NFE2: variants seen among roughly 807,000 people sequenced by gnomAD.
The protein encoded by NFE2 is nuclear factor, erythroid 2, also known as transcription factor NF-E2 45 kDa subunit.
NFE2 carries 13 observed loss-of-function variants against 25.8 expected under a neutral mutation model. The observed-to-expected ratio is 0.50, with a 90% confidence interval of 0.33 to 0.80. The LOEUF is 0.80. Among genes scored for constraint, NFE2 ranks in the 30% least tolerant of loss-of-function variants. NFE2 has a pLI of 0.02. For missense variants in NFE2, 382 were observed against 478.9 expected (o/e 0.80, Z 1.89); for synonymous variants, 204 against 200.2 (o/e 1.02, Z -0.16).
At chr12:54,294,300 T>C (rs1269195209) in intron 2 of NFE2, among the ~76,000 whole-genome samples, 2 of 152,086 alleles carry the variant, frequency 1.3e-5, no homozygotes, top group Non-Finnish European at 2.9e-5. Flanking sequence ...CAAAGCCTTT[T>C]TATCCAAGAT....
At chr12:54,298,091 C>A (rs1176840465) in intron 1 of NFE2, among the ~76,000 whole-genome samples, 1 of 152,174 alleles carries the variant, frequency 6.6e-6, no homozygotes, top group South Asian at 2.1e-4. Flanking sequence ...TCTTGCTTCA[C>A]AGTTCTTTAC....
intron 1 of NFE2, among the ~76,000 whole-genome samples, chr12:54,299,094 G>A (rs899221580): frequency 6.6e-6 from 1 of 150,962 alleles, no homozygotes; most frequent in Non-Finnish European, 1.5e-5. Flanking sequence ...GCAGGAGTTT[G>A]GGGGAGAGAG....
chr12:54,297,009 C>T (rs564984822), intron 1 of NFE2, among the ~76,000 whole-genome samples: 20 of 152,162 alleles, frequency 1.3e-4, no homozygotes, highest in South Asian at 8.3e-4. Flanking sequence ...CTGATCTCTA[C>T]GGTCAGACAT....
chr12:54,300,349 T>C (rs1468259385), intron 1 of NFE2: 1 of 152,776 alleles, frequency 6.5e-6, no homozygotes, highest in African/African-American at 2.4e-5. Context: ...CCCCGCACCT[T>C]GCAACACTTC....
In NFE2 at chr12:54,292,978, A is replaced by G. The variant is rs1947890606; in HGVS notation, c.518T>C (p.Val173Ala). The G allele has an allele frequency of 1.9e-6, 3 of 1,551,848 alleles. No individual in the cohort carries two copies. The Admixed American group carries it at 5.8e-5, about 30-fold the overall frequency. ...TEAGRRRSEY[V>A]EMYPVEYPYS... ...GGGGTACTCCACTGGGTACATCTCT[A>G]CATATTCGCTGCGCCGCCGACCAGC... Residue 173 changes from valine to alanine, a missense_variant, in exon 3 of 3, where the codon GTA becomes GCA. Coordinates refer to ENST00000435572, the MANE Select transcript of NFE2 (RefSeq NM_001136023.3).
At position 54,292,235 on chromosome 12, in the gene NFE2, A is replaced by G; in HGVS notation, c.*139T>C. The G allele has an allele frequency of 1.1e-6, 1 of 877,456 alleles. No homozygotes were observed. Among genetic ancestry groups the G allele is most frequent in the South Asian group, 1.8e-5 (1 of 56,660 alleles). 54.4% of individuals were successfully genotyped at this position (877,456 alleles called of 1,614,324 possible). On this transcript the variant is annotated 3_prime_UTR_variant, in exon 3 of 3. Coordinates refer to ENST00000435572, the MANE Select transcript of NFE2 (RefSeq NM_001136023.3). The stretch of plus-strand genomic sequence containing the variant: ...CAAGCCTCTTTGAACACACCTTGGA[A>G]CTTCCAAACACTTGTTGCCATTGTC...
intron 2 of NFE2, among the ~76,000 whole-genome samples, chr12:54,294,154 T>C (rs1412696783): frequency 6.6e-6 from 1 of 151,036 alleles, no homozygotes; most frequent in Non-Finnish European, 1.5e-5. Context: ...TCCCAGCTAC[T>C]TGGGAGGCTG....
At chr12:54,294,534 G>T (rs995814155) in intron 2 of NFE2, among the ~76,000 whole-genome samples, 6 of 152,116 alleles carry the variant, frequency 3.9e-5, no homozygotes, top group Admixed American at 3.9e-4. Context: ...CTCCTCTTCA[G>T]TCCCTCTGTC....
intron 1 of NFE2, among the ~76,000 whole-genome samples, chr12:54,298,851 G>GT (rs1944397835): frequency 6.6e-6 from 1 of 151,982 alleles, no homozygotes; most frequent in Non-Finnish European, 1.5e-5. Flanking sequence ...AGGAATTTGA[G>GT]ACCAGCCTGG....
intron 1 of NFE2, among the ~76,000 whole-genome samples, chr12:54,299,592 A>C (rs1944404083): frequency 6.6e-6 from 1 of 152,206 alleles, no homozygotes; most frequent in Non-Finnish European, 1.5e-5. Flanking sequence ...CCTACCCAGA[A>C]AGATTTTTAT....
chr12:54,294,625 C>G (rs1008749537), intron 2 of NFE2, among the ~76,000 whole-genome samples: 7 of 152,158 alleles, frequency 4.6e-5, no homozygotes, highest in African/African-American at 1.7e-4. Context: ...CCTGCTCCAG[C>G]CCAGCTGGGG....
Position 54,293,151 on chromosome 12 carries a change from C to T in NFE2, c.345G>A (p.Leu115=). The T allele has an allele frequency of 6.5e-7, 1 of 1,538,446 alleles. No homozygotes were observed. The highest frequency in any genetic ancestry group is 8.8e-7 in the Non-Finnish European group (1 of 1,141,320). ...AGGGGTCTTGGAGCGGCTCACTGAG[C>T]AGGCCTGAGAGGCTCAGTGGCTTGG... is the stretch of plus-strand genomic sequence containing the variant. ...PVSKPLSLSG[L]LSEPLQDPLA... The change falls in exon 3 of 3, where the codon CTG becomes CTA. Residue 115 remains leucine, a synonymous_variant. Coordinates refer to ENST00000435572, the MANE Select transcript of NFE2 (RefSeq NM_001136023.3).
At chr12:54,297,181 C>T (rs1944379509) in intron 1 of NFE2, among the ~76,000 whole-genome samples, 1 of 151,824 alleles carries the variant, frequency 6.6e-6, no homozygotes, top group African/African-American at 2.4e-5. Flanking sequence ...ACGGTGAAAA[C>T]CCATCTCCAC....
chr12:54,293,140 G>A lies in NFE2; in HGVS notation c.356C>T (p.Pro119Leu), dbSNP rs1418279594. The A allele has an allele frequency of 3.9e-6, 6 of 1,531,688 alleles. No homozygotes were observed. The highest frequency in any genetic ancestry group is 4.4e-6 in the Non-Finnish European group (5 of 1,139,088). 94.9% of individuals were successfully genotyped at this position (1,531,688 alleles called of 1,614,324 possible). A position where few individuals can be genotyped will look rare whatever the true frequency, so the allele number is the denominator to read the frequency against. ...PLSLSGLLSE[P>L]LQDPLALLDI... ...CAGGAGGGCTAAGGGGTCTTGGAGC[G>A]GCTCACTGAGCAGGCCTGAGAGGCT... The change falls in exon 3 of 3, where the codon CCG becomes CTG. Residue 119 changes from proline to leucine, a missense_variant. Coordinates refer to ENST00000435572, the MANE Select transcript of NFE2 (RefSeq NM_001136023.3).
Position 54,292,288 on chromosome 12 carries a change from T to C in NFE2, c.*86A>G. On this transcript the variant is annotated 3_prime_UTR_variant, in exon 3 of 3. Transcript: ENST00000435572. The stretch of plus-strand genomic sequence containing the variant: ...CCTCTTCTGGTCTAGAGAACTCAGC[T>C]CCTTCTGGGACTCAGGGTTGGGGAG... The C allele has an allele frequency of 7.0e-7, 1 of 1,421,094 alleles. No homozygotes were observed. Among genetic ancestry groups the C allele is most frequent in the Non-Finnish European group, 9.6e-7 (1 of 1,037,892 alleles). The allele number at this position is 1,421,094 out of a possible 1,614,324, so 88.0% of individuals were successfully genotyped here.
At chr12:54,293,982 G>A (rs1168691378) in intron 2 of NFE2, among the ~76,000 whole-genome samples, 1 of 151,178 alleles carries the variant, frequency 6.6e-6, no homozygotes, top group Non-Finnish European at 1.5e-5. Flanking sequence ...AATGGCTCAT[G>A]TTCGGCCAGG....
rs1944378412 is a variant in NFE2 at position 54,297,093 on chromosome 12, T to A, written c.-56-1789A>T. Reference sequence around the variant, plus strand: ...GAAGCAGGCTAGGATGAAGGAAACATGGGAGAGGGGAAGCACTTTGGGAGG... The same window carrying A: ...GAAGCAGGCTAGGATGAAGGAAACAAGGGAGAGGGGAAGCACTTTGGGAGG... On this transcript the variant is annotated intron_variant, in intron 1 of 2. Transcript: ENST00000435572. Among the ~76,000 whole-genome samples, 3 of 151,854 alleles carry A rather than the reference T, an allele frequency of 2.0e-5. No homozygotes were observed. The South Asian group carries it at 6.2e-4, about 32-fold the overall frequency.
At position 54,300,825 on chromosome 12, in the gene NFE2, A is replaced by C. The variant is rs1944417924; in HGVS notation, c.-81T>G. 6.7e-6 allele frequency: 1 copy of C among 150,012 alleles called. No homozygotes were observed. The highest frequency in any genetic ancestry group is 1.5e-5 in the Non-Finnish European group (1 of 67,732). The allele number at this position is 150,012 out of a possible 1,614,324, so 9.3% of individuals were successfully genotyped here. A position where few individuals can be genotyped will look rare whatever the true frequency, so the allele number is the denominator to read the frequency against. ...CCTGTGGTGGAGTCACAGCAGGGTG[A>C]GGAGAGAGATGAGGCTCCCGGTGTT... On this transcript the variant is annotated 5_prime_UTR_variant, in exon 1 of 3. Coordinates refer to ENST00000435572, the MANE Select transcript of NFE2 (RefSeq NM_001136023.3).
At position 54,292,730 on chromosome 12, in the gene NFE2, T is replaced by C. The variant is rs768969650; in HGVS notation, c.766A>G (p.Arg256Gly). Residue 256 changes from arginine (R) to glycine (G), a missense_variant, in exon 3 of 3, where the codon AGG (arginine) becomes GGG (glycine). By Grantham distance (125) the Arg-to-Gly change is moderately radical. Transcript: ENST00000435572. ...PVDDFNELLA[R>G]YPLTESQLAL... ...AGCTGGCTCTCTGTCAGCGGGTACC[T>C]TGCCAATAGCTCATTAAAGTCATCT... 1 of 1,614,248 alleles carries C rather than the reference T, an allele frequency of 6.2e-7. No individual in the cohort carries two copies. Among genetic ancestry groups the C allele is most frequent in the Non-Finnish European group, 8.5e-7 (1 of 1,180,046 alleles).
Sources: allele counts gnomAD v4.1 joint callset (sites outside exome capture counted in the v4.1 genomes callset), GRCh38; gene constraint gnomAD v4.1.1; transcripts MANE v1.5; gene names NCBI Gene and HGNC (gene_info 2026-07-23, HGNC 2026-07-21).